The following SORCS2 variants were observed in gnomAD, a reference collection of about 807,000 sequenced individuals.
SORCS2 encodes the protein sortilin related VPS10 domain containing receptor 2.
In SORCS2, 100 loss-of-function variants were observed where a neutral mutation model predicts 141.6. The observed-to-expected ratio is 0.71, with a 90% CI of 0.60 to 0.83. The LOEUF (loss-of-function observed/expected upper bound fraction) is 0.83. Ranked by LOEUF, SORCS2 falls within the 40% of genes least tolerant of loss-of-function variation. The probability of loss-of-function intolerance (pLI) is 0.00; values close to 1 mark genes in which losing one functional copy is unlikely to be tolerated. For missense variants in SORCS2, 1,646 were observed against 1,560.2 expected (o/e 1.05, Z -0.93); for synonymous variants, 789 against 676.9 (o/e 1.17, Z -2.57).
In SORCS2 at chr4:7,569,016, A is replaced by G. The variant is rs188171957; in HGVS notation, c.648+37387A>G. Among the ~76,000 whole-genome samples, 22 of 152,254 alleles carry G rather than the reference A, an allele frequency of 1.4e-4. No homozygotes were observed. In the East Asian group the frequency reaches 2.7e-3, roughly 19 times the overall value. The stretch of plus-strand genomic sequence containing the variant: ...GATCTGTGTCAACTCCTGCCATCCT[A>G]TCAGGGATCTGTGTTTCTTGGGGAT... On this transcript the variant is annotated intron_variant, in intron 3 of 26. Transcript: ENST00000507866.
intron 9 of SORCS2, among the ~76,000 whole-genome samples, chr4:7,681,067 A>G (rs1415745683): frequency 6.6e-6 from 1 of 152,214 alleles, no homozygotes; most frequent in Admixed American, 6.5e-5. Context: ...ACTTTGAATG[A>G]ATGCTGTAAT....
intron 26 of SORCS2, 74 bp from the exon 27 acceptor site, chr4:7,740,126 G>T: frequency 2.2e-6 from 3 of 1,361,806 alleles, no homozygotes; most frequent in South Asian, 2.5e-5. Flanking sequence ...CTGAGGCCAC[G>T]ACCGTGTCCC....
At chr4:7,492,606 T>G (rs1413574005) in intron 2 of SORCS2, among the ~76,000 whole-genome samples, 1 of 152,216 alleles carries the variant, frequency 6.6e-6, no homozygotes, top group Non-Finnish European at 1.5e-5. Context: ...CTATTTCTAA[T>G]TTTGAGGAAC....
At chr4:7,356,285 C>T (rs1003716431) in intron 1 of SORCS2, among the ~76,000 whole-genome samples, 6 of 152,228 alleles carry the variant, frequency 3.9e-5, no homozygotes, top group Admixed American at 6.5e-5. Context: ...TTGGCCCCTG[C>T]GTTAGTTTGC....
intron 3 of SORCS2, among the ~76,000 whole-genome samples, chr4:7,539,083 C>T (rs143428252): frequency 3.9e-5 from 6 of 152,274 alleles, no homozygotes; most frequent in African/African-American, 1.2e-4. Context: ...GCCCCATAGC[C>T]GGTGGGCTGC....
chr4:7,337,973 C>T (rs1288602534), intron 1 of SORCS2, among the ~76,000 whole-genome samples: 2 of 152,230 alleles, frequency 1.3e-5, no homozygotes, highest in Non-Finnish European at 2.9e-5. Flanking sequence ...GTGGTCCCCA[C>T]AGATGCCCTA....
At chr4:7,609,394 G>A (rs377037859) in intron 3 of SORCS2, among the ~76,000 whole-genome samples, 4 of 152,140 alleles carry the variant, frequency 2.6e-5, no homozygotes, top group East Asian at 3.9e-4. Context: ...GTGGATCAAT[G>A]TGGCAGTCAA....
At chr4:7,585,267 G>A (rs904206244) in intron 3 of SORCS2, among the ~76,000 whole-genome samples, 5 of 152,204 alleles carry the variant, frequency 3.3e-5, no homozygotes, top group Non-Finnish European at 5.9e-5. Context: ...AATGAGTTGG[G>A]CTAAAACCGT....
chr4:7,496,519 G>A (rs12054516), intron 2 of SORCS2, among the ~76,000 whole-genome samples: 127,913 of 145,644 alleles, frequency 0.88, 57,706 homozygotes, highest in East Asian at 0.99. Flanking sequence ...TGCTCTGCAC[G>A]GAGGCTGTAA....
At chr4:7,299,211 G>A (rs1047946625) in intron 1 of SORCS2, among the ~76,000 whole-genome samples, 7 of 152,272 alleles carry the variant, frequency 4.6e-5, no homozygotes, top group South Asian at 4.1e-4. Context: ...CCTGGCAGCC[G>A]GAGCCAGGCG....
intron 3 of SORCS2, among the ~76,000 whole-genome samples, chr4:7,595,408 T>C (rs969157396): frequency 6.6e-6 from 1 of 152,042 alleles, no homozygotes; most frequent in African/African-American, 2.4e-5. Flanking sequence ...ACTAACTCCA[T>C]CTCCAACCCC....
Position 7,740,609 on chromosome 4 carries a change from C to T in SORCS2, c.*345C>T. On this transcript the variant is annotated 3_prime_UTR_variant, in exon 27 of 27. Transcript: ENST00000507866. ...CTGAGGCTGGTCGTCCTGGAGCCCT[C>T]CCAGTACCTCGGGCTGCAAGAGCTG... The T allele has an allele frequency of 2.7e-6, 1 of 368,476 alleles. No individual in the cohort carries two copies. Among genetic ancestry groups the T allele is most frequent in the Non-Finnish European group, 5.1e-6 (1 of 194,654 alleles). The allele number at this position is 368,476 out of a possible 1,614,324, so 22.8% of individuals were successfully genotyped here. A position where few individuals can be genotyped will look rare whatever the true frequency, so the allele number is the denominator to read the frequency against.
In SORCS2 at chr4:7,664,573, G is replaced by A. The variant is rs749519210; in HGVS notation, c.1071+102G>A. The stretch of plus-strand genomic sequence containing the variant: ...TCGCTCAGAAAAGAGGCAATAAAAC[G>A]GGTATTTCACTCTCAAATGCTACTT... On this transcript the variant is annotated intron_variant, in intron 7 of 26. Coordinates refer to ENST00000507866, the MANE Select transcript of SORCS2 (RefSeq NM_020777.3). The surrounding 1 kb of genome is among the most constrained non-coding windows in gnomAD (Gnocchi z 4.7). 5 of 800,260 alleles carry A rather than the reference G, an allele frequency of 6.2e-6. No homozygotes were observed. The highest frequency in any genetic ancestry group is 2.6e-5 in the Admixed American group (1 of 38,606). The allele number at this position is 800,260 out of a possible 1,614,324, so 49.6% of individuals were successfully genotyped here. A position where few individuals can be genotyped will look rare whatever the true frequency, so the allele number is the denominator to read the frequency against.
chr4:7,321,276 A>C (rs1718876603), intron 1 of SORCS2, among the ~76,000 whole-genome samples: 1 of 152,180 alleles, frequency 6.6e-6, no homozygotes, highest in Admixed American at 6.5e-5. Flanking sequence ...ACACAATTTT[A>C]TTCCTTTTTA....
chr4:7,699,207 C>T (rs1477298569), intron 12 of SORCS2, among the ~76,000 whole-genome samples: 1 of 152,168 alleles, frequency 6.6e-6, no homozygotes, highest in African/African-American at 2.4e-5. Context: ...CCCACCCGGC[C>T]CTGCTGCTTG....
At position 7,314,440 on chromosome 4, in the gene SORCS2, C is replaced by T. The variant is rs143256971; in HGVS notation, c.481-81848C>T. ...CTGCAAGCGTCGTCTCCTGGGTTCA[C>T]GCCATTCTCCTACCTCAGCCTCCCG... is the stretch of plus-strand genomic sequence containing the variant. On this transcript the variant is annotated intron_variant, in intron 1 of 26. Coordinates refer to ENST00000507866, the MANE Select transcript of SORCS2 (RefSeq NM_020777.3). Among the ~76,000 whole-genome samples the T allele has an allele frequency of 4.3e-3, 645 of 151,386 alleles. 4 individuals are homozygous for T. The highest frequency in any genetic ancestry group is 0.015 in the African/African-American group (609 of 41,112).
At chr4:7,712,709 C>T in intron 14 of SORCS2, 24 bp from the exon 15 acceptor site, 1 of 1,613,694 alleles carries the variant, frequency 6.2e-7, no homozygotes, top group Middle Eastern at 1.7e-4. Context: ...GTTTTCTCTC[C>T]CTTCCCTCCT....
At chr4:7,403,997 A>ATATATATATATATATTT (rs1265288820) in intron 2 of SORCS2, among the ~76,000 whole-genome samples, 5 of 18,958 alleles carry the variant, frequency 2.6e-4, no homozygotes, top group Middle Eastern at 0.038. Flanking sequence ...ATATATATAT[A>ATATATATATATATATTT]TTTTTTTTTT....
At chr4:7,451,856 G>GC (rs113033305) in intron 2 of SORCS2, among the ~76,000 whole-genome samples, 5 of 152,332 alleles carry the variant, frequency 3.3e-5, no homozygotes, top group Non-Finnish European at 5.9e-5. Flanking sequence ...GCTTCTCAGG[G>GC]CCAAGGCTGG....
Sources: gnomAD v4.1 joint callset for allele counts (sites outside exome capture counted in the v4.1 genomes callset) on GRCh38, gnomAD v4.1.1 for gene constraint, Gnocchi (gnomAD v3.1) non-coding constraint, MANE v1.5 for transcripts, NCBI Gene and HGNC (gene_info 2026-07-23, HGNC 2026-07-21) for gene names.